Variants in SUPT3H observed in about 807,000 individuals in gnomAD.
SUPT3H encodes transcription initiation protein SPT3 homolog.
In SUPT3H, 44 loss-of-function variants were observed where a neutral mutation model predicts 44.3. The ratio of observed to expected loss-of-function variants is 0.99; its 90% confidence interval spans 0.78 to 1.28. The LOEUF is 1.28. SUPT3H is among the 50% of genes most tolerant of loss of function. The pLI, the probability that SUPT3H is intolerant of heterozygous loss-of-function variation, is 0.00. For missense variants in SUPT3H, 380 were observed against 387.1 expected (o/e 0.98, Z 0.15); for synonymous variants, 124 against 125.6 (o/e 0.99, Z 0.09).
intron 2 of SUPT3H, among the ~76,000 whole-genome samples, chr6:45,344,888 C>T (rs1440162113): frequency 6.6e-6 from 1 of 152,078 alleles, no homozygotes; most frequent in Non-Finnish European, 1.5e-5. Flanking sequence ...TTTTAAATCC[C>T]TGAAGTTTAA....
At chr6:44,900,055 G>A (rs574139757) in intron 10 of SUPT3H, among the ~76,000 whole-genome samples, 8 of 152,292 alleles carry the variant, frequency 5.3e-5, no homozygotes, top group African/African-American at 1.4e-4. Flanking sequence ...GAGCCAAGAC[G>A]GCTGAATAGA....
intron 6 of SUPT3H, among the ~76,000 whole-genome samples, chr6:44,986,541 A>G (rs1234484210): frequency 6.6e-6 from 1 of 152,158 alleles, no homozygotes; most frequent in African/African-American, 2.4e-5. Flanking sequence ...TACCATCAGT[A>G]GTCGAAATCT....
At chr6:44,860,250 T>C (rs1774425376) in intron 10 of SUPT3H, among the ~76,000 whole-genome samples, 1 of 152,230 alleles carries the variant, frequency 6.6e-6, no homozygotes, top group Non-Finnish European at 1.5e-5. Context: ...TCCTCTGCCC[T>C]GATGAGTAAA....
intron 2 of SUPT3H, among the ~76,000 whole-genome samples, chr6:45,241,121 T>C (rs1770231225): frequency 6.6e-6 from 1 of 152,196 alleles, no homozygotes; most frequent in African/African-American, 2.4e-5. Flanking sequence ...AGATCCCGAC[T>C]CCTGCGAGAA....
chr6:45,013,060 A>T (rs1395465316), intron 5 of SUPT3H, among the ~76,000 whole-genome samples: 1 of 151,970 alleles, frequency 6.6e-6, no homozygotes, highest in East Asian at 1.9e-4. Flanking sequence ...AGCCCCCACT[A>T]ATTGACAGCT....
At chr6:45,187,510 T>G (rs1212525623) in intron 2 of SUPT3H, among the ~76,000 whole-genome samples, 2 of 152,200 alleles carry the variant, frequency 1.3e-5, no homozygotes, top group Non-Finnish European at 2.9e-5. Context: ...TCCTATTATA[T>G]AAATGTATCT....
At chr6:44,840,373 C>T (rs9472381) in intron 10 of SUPT3H, among the ~76,000 whole-genome samples, 12,445 of 152,136 alleles carry the variant, frequency 0.082, 798 homozygotes, top group African/African-American at 0.18. Context: ...GACTGCCTGG[C>T]CTCCTGTGCA....
intron 10 of SUPT3H, chr6:44,898,730 C>T (rs571888656): frequency 6.6e-6 from 1 of 152,302 alleles, no homozygotes; most frequent in East Asian, 1.9e-4. Flanking sequence ...ACCTGGACTG[C>T]ACAGCGTGAC....
rs375752591 is a variant in SUPT3H, at chr6:45,205,754, G to A, written c.102-99748C>T. Among the ~76,000 whole-genome samples, 20 of 151,924 alleles carry A rather than the reference G, an allele frequency of 1.3e-4. No homozygotes were observed. In the East Asian group the frequency reaches 1.7e-3, roughly 13 times the overall value. On this transcript the variant is annotated intron_variant, in intron 2 of 10. Transcript: ENST00000371459. ...AGAGGCTGCAGTGAGCCAAGATTGC[G>A]CCACTCTACTCCAGCCTGGGTGACA... is the stretch of plus-strand genomic sequence containing the variant.
intron 2 of SUPT3H, among the ~76,000 whole-genome samples, chr6:45,293,629 G>C (rs924981161): frequency 6.6e-6 from 1 of 152,052 alleles, no homozygotes; most frequent in South Asian, 2.1e-4. Flanking sequence ...ATCGATATAA[G>C]CTCAGTGAGA....
intron 2 of SUPT3H, among the ~76,000 whole-genome samples, chr6:45,195,778 C>T (rs891449222): frequency 1.3e-5 from 2 of 152,006 alleles, no homozygotes; most frequent in African/African-American, 4.8e-5. Context: ...CATATTATTT[C>T]TTTTCCTCTT....
At chr6:45,311,611 A>T (rs1235371334) in intron 2 of SUPT3H, among the ~76,000 whole-genome samples, 2 of 152,216 alleles carry the variant, frequency 1.3e-5, no homozygotes, top group Non-Finnish European at 2.9e-5. Context: ...TTAACAGCAG[A>T]TTTCTGAGCA....
At chr6:44,938,646 C>G in intron 9 of SUPT3H, among the ~76,000 whole-genome samples, 1 of 151,978 alleles carries the variant, frequency 6.6e-6, no homozygotes, top group South Asian at 2.1e-4. Context: ...TGCACTGGAT[C>G]TGTACAATGC....
At chr6:45,068,475 A>G (rs989932195) in intron 3 of SUPT3H, among the ~76,000 whole-genome samples, 4 of 152,126 alleles carry the variant, frequency 2.6e-5, no homozygotes, top group Admixed American at 6.6e-5. Flanking sequence ...AAAAAATAAA[A>G]AAAAAAGATA....
chr6:45,279,524 G>A (rs965310083), intron 2 of SUPT3H, among the ~76,000 whole-genome samples: 1 of 152,072 alleles, frequency 6.6e-6, no homozygotes, highest in African/African-American at 2.4e-5. Flanking sequence ...TTAAAAATGT[G>A]TAGCACCTCC....
At chr6:45,203,387 G>A (rs1236857137) in intron 2 of SUPT3H, among the ~76,000 whole-genome samples, 2 of 152,130 alleles carry the variant, frequency 1.3e-5, no homozygotes, top group South Asian at 2.1e-4. Context: ...TACCTCTTAA[G>A]TATATCCTGA....
At chr6:45,252,440 G>C (rs1486177837) in intron 2 of SUPT3H, among the ~76,000 whole-genome samples, 1 of 152,144 alleles carries the variant, frequency 6.6e-6, no homozygotes, top group Non-Finnish European at 1.5e-5. Context: ...AGGGAAAATA[G>C]ATATTTGCCA....
Position 44,972,106 on chromosome 6 carries a change from T to C in SUPT3H, c.505-10278A>G, listed in dbSNP as rs1250753747. Among the ~76,000 whole-genome samples the C allele has an allele frequency of 3.3e-5, 5 of 152,142 alleles. No homozygotes were observed. In the East Asian group the frequency reaches 9.6e-4, roughly 29 times the overall value. ...CCCAAAGTCTTAACTCATTCCAGCA[T>C]TAACCCAAAAGTCCAAGTCCAAAGT... On this transcript the variant is annotated intron_variant, in intron 6 of 10. Coordinates refer to ENST00000371459, the MANE Select transcript of SUPT3H (RefSeq NM_003599.4).
chr6:44,980,785 C>A (rs1001253304), intron 6 of SUPT3H, among the ~76,000 whole-genome samples: 1 of 152,196 alleles, frequency 6.6e-6, no homozygotes, highest in African/African-American at 2.4e-5. Flanking sequence ...CACTTACAAA[C>A]ATTTTTTTAA....
Sources: allele counts gnomAD v4.1 joint callset (sites outside exome capture counted in the v4.1 genomes callset), GRCh38; gene constraint gnomAD v4.1.1; transcripts MANE v1.5; gene names NCBI Gene and HGNC (gene_info 2026-07-23, HGNC 2026-07-21).